The following MOB3C variants were observed in gnomAD, a reference collection of about 807,000 sequenced individuals.
The protein encoded by MOB3C is MOB1, Mps One Binder kinase activator-like 2C.
A neutral mutation model predicts 19.8 loss-of-function variants in MOB3C; 17 were observed. The observed-to-expected ratio is 0.86, with a 90% CI of 0.59 to 1.29. MOB3C has a LOEUF of 1.29. MOB3C is among the 50% of genes most tolerant of loss of function. The pLI, the probability that MOB3C is intolerant of heterozygous loss-of-function variation, is 0.00. For synonymous variants in MOB3C, 101 were observed against 119.2 expected, an observed-to-expected ratio of 0.85 and a Z score of 0.99; for missense variants, 291 against 301.9, an observed-to-expected ratio of 0.96 and a Z score of 0.27.
Position 46,613,020 on chromosome 1 carries a change from T to C in MOB3C, c.302A>G (p.Gln101Arg), listed in dbSNP as rs771395935. ...AGGPRYEYRW[Q>R]DERQYRRPAK... ...GGGCCGCCGGTACTGGCGCTCGTCCTGCCAGCGGTACTCGTAGCGGGGCCC... is the reference window on the plus strand; with the variant it reads ...GGGCCGCCGGTACTGGCGCTCGTCCCGCCAGCGGTACTCGTAGCGGGGCCC... The change falls in exon 2 of 4, where the codon CAG (glutamine) becomes CGG (arginine). Residue 101 changes from glutamine (Q) to arginine (R), a missense_variant. Coordinates refer to ENST00000319928, the MANE Select transcript of MOB3C (RefSeq NM_201403.3). 1.2e-6 allele frequency: 2 copies of C among 1,613,692 alleles called. No homozygotes were observed. Among genetic ancestry groups the C allele is most frequent in the African/African-American group, 2.7e-5 (2 of 74,952 alleles).
At chr1:46,610,311 ACT>A in intron 2 of MOB3C, 107 bp from the exon 3 acceptor site, 1 of 863,870 alleles carries the variant, frequency 1.2e-6, no homozygotes, top group Non-Finnish European at 1.9e-6. Context: ...TCCCCAGCAC[ACT>A]TTTTAGTACA....
At chr1:46,612,168 C>T (rs1675480678) in intron 2 of MOB3C, among the ~76,000 whole-genome samples, 1 of 152,186 alleles carries the variant, frequency 6.6e-6, no homozygotes, top group Non-Finnish European at 1.5e-5. Context: ...GAAAAGGCCC[C>T]ACAGCCTGTG....
rs1047007602 is a variant in MOB3C at position 46,608,668 on chromosome 1, G to A, written c.*987C>T. On this transcript the variant is annotated 3_prime_UTR_variant, in exon 4 of 4. Transcript: ENST00000319928. This position sits in a 1 kb window ranked among gnomAD's most constrained non-coding sequence, Gnocchi z 4.5. ...CAATTCAAGTTCCACAAGCTCCTTG[G>A]ACGGGGAGATTATTTTGTGCTGGGC... 6 of 152,668 alleles carry A rather than the reference G, an allele frequency of 3.9e-5. No individual in the cohort carries two copies. Among genetic ancestry groups the A allele is most frequent in the African/African-American group, 1.4e-4 (6 of 41,446 alleles). 9.5% of individuals were successfully genotyped at this position (152,668 alleles called of 1,614,324 possible).
intron 1 of MOB3C, chr1:46,615,175 C>T: frequency 1.1e-6 from 1 of 887,912 alleles, no homozygotes; most frequent in South Asian, 1.5e-5. Flanking sequence ...TTGCATGGCC[C>T]CCTTTATGAC....
intron 2 of MOB3C, 41 bp from the exon 3 acceptor site, chr1:46,610,245 T>C: frequency 6.2e-7 from 1 of 1,602,582 alleles, no homozygotes; most frequent in Middle Eastern, 1.7e-4. Context: ...AGTATCCTGG[T>C]GCCAAAGCTC....
chr1:46,610,875 C>T (rs544912999), intron 2 of MOB3C, among the ~76,000 whole-genome samples: 2 of 152,332 alleles, frequency 1.3e-5, no homozygotes, highest in East Asian at 3.9e-4. Context: ...TGCAGAGATG[C>T]TCACATCACA....
rs569912376 is a variant in MOB3C at position 46,613,498 on chromosome 1, T to C, written c.-50-127A>G. 6.7e-5 allele frequency: 62 copies of C among 923,636 alleles called. 2 individuals carry two copies. In the South Asian group the frequency reaches 8.0e-4, roughly 12 times the overall value. 57.2% of individuals were successfully genotyped at this position (923,636 alleles called of 1,614,324 possible). Reference sequence around the variant, plus strand: ...CAACCTCTGCATCCTCTGCCTGGAATCTAAGTCCTCAGCCCCTAGGTCCAG... The same window carrying C: ...CAACCTCTGCATCCTCTGCCTGGAACCTAAGTCCTCAGCCCCTAGGTCCAG... On this transcript the variant is annotated intron_variant, in intron 1 of 3. Transcript: ENST00000319928.
At chr1:46,612,768 G>A in intron 2 of MOB3C, 136 bp downstream of exon 2, 1 of 860,736 alleles carries the variant, frequency 1.2e-6, no homozygotes, top group East Asian at 2.9e-5. Flanking sequence ...CACTTAACCT[G>A]TTTCAACCTC....
rs1295565013 is a variant in MOB3C at position 46,611,963 on chromosome 1, G to A, written c.418+941C>T. ...ACCGCTGATCCACACAGCCTCTGCA[G>A]AGATGAGCTCCAGGCCAGGTGGGGG... On this transcript the variant is annotated intron_variant, in intron 2 of 3. Coordinates refer to ENST00000319928, the MANE Select transcript of MOB3C (RefSeq NM_201403.3). The surrounding 1 kb of genome is among the most constrained non-coding windows in gnomAD (Gnocchi z 4.1). 6.6e-6 allele frequency among the ~76,000 whole-genome samples: 1 copy of A among 152,138 alleles called. No homozygotes were observed. Among genetic ancestry groups the A allele is most frequent in the Admixed American group, 6.5e-5 (1 of 15,286 alleles).
At chr1:46,616,451 G>A (rs1675562339) in intron 1 of MOB3C, 1 of 152,408 alleles carries the variant, frequency 6.6e-6, no homozygotes, top group Non-Finnish European at 1.5e-5. Context: ...AGGACCCAGA[G>A]GAGCCCGCCT....
rs1045790390 is a variant in MOB3C at position 46,611,781 on chromosome 1, T to C, written c.418+1123A>G. On this transcript the variant is annotated intron_variant, in intron 2 of 3. Coordinates refer to ENST00000319928, the MANE Select transcript of MOB3C (RefSeq NM_201403.3). The surrounding 1 kb of genome is among the most constrained non-coding windows in gnomAD (Gnocchi z 4.1). ...CCCTCAGTAGCCTCAAGTTTCCTCC[T>C]ATGTAAAATGAAGGTGCTCCTTGTC... 3.3e-5 allele frequency among the ~76,000 whole-genome samples: 5 copies of C among 152,198 alleles called. No homozygotes were observed. Among genetic ancestry groups the C allele is most frequent in the Admixed American group, 6.5e-5 (1 of 15,286 alleles).
chr1:46,609,386 C>T lies in MOB3C; in HGVS notation c.*269G>A. 1 of 557,294 alleles carries T rather than the reference C, an allele frequency of 1.8e-6. No homozygotes were observed. Among genetic ancestry groups the T allele is most frequent in the Non-Finnish European group, 3.2e-6 (1 of 309,826 alleles). The allele number at this position is 557,294 out of a possible 1,614,324, so 34.5% of individuals were successfully genotyped here. A position where few individuals can be genotyped will look rare whatever the true frequency, so the allele number is the denominator to read the frequency against. The stretch of plus-strand genomic sequence containing the variant: ...GAAGGGTCAAGTGTCATAGAAGAAA[C>T]CCCCTAGCCTACCCTACTCCCAGAC... On this transcript the variant is annotated 3_prime_UTR_variant, in exon 4 of 4. Transcript: ENST00000319928.
At position 46,609,443 on chromosome 1, in the gene MOB3C, C is replaced by T. The variant is rs1675424200; in HGVS notation, c.*212G>A. The T allele has an allele frequency of 1.1e-5, 7 of 638,588 alleles. No homozygotes were observed. The South Asian group carries it at 1.1e-4, about 10-fold the overall frequency. 39.6% of individuals were successfully genotyped at this position (638,588 alleles called of 1,614,324 possible). On this transcript the variant is annotated 3_prime_UTR_variant, in exon 4 of 4. Coordinates refer to ENST00000319928, the MANE Select transcript of MOB3C (RefSeq NM_201403.3). The stretch of plus-strand genomic sequence containing the variant: ...CCAGAGGTTTAACTCCACTTCCCTT[C>T]TGTTTGCCTGCCTAGATGCTCTCCC...
rs931224131 is a variant in MOB3C at position 46,608,663 on chromosome 1, C to T, written c.*992G>A. 1 of 152,634 alleles carries T rather than the reference C, an allele frequency of 6.6e-6. No individual in the cohort carries two copies. Among genetic ancestry groups the T allele is most frequent in the African/African-American group, 2.4e-5 (1 of 41,440 alleles). The allele number at this position is 152,634 out of a possible 1,614,324, so 9.5% of individuals were successfully genotyped here. On this transcript the variant is annotated 3_prime_UTR_variant, in exon 4 of 4. Coordinates refer to ENST00000319928, the MANE Select transcript of MOB3C (RefSeq NM_201403.3). This position sits in a 1 kb window ranked among gnomAD's most constrained non-coding sequence, Gnocchi z 4.5. ...GTTCCCAATTCAAGTTCCACAAGCT[C>T]CTTGGACGGGGAGATTATTTTGTGC... is the stretch of plus-strand genomic sequence containing the variant.
chr1:46,614,972 G>A (rs777022808), intron 1 of MOB3C: 31 of 1,602,654 alleles, frequency 1.9e-5, no homozygotes, highest in African/African-American at 2.7e-5. Context: ...AAAACTCACA[G>A]ATGTGAAAGG....
rs2148801656 is a variant in MOB3C at position 46,608,676 on chromosome 1, GATT to G, written c.*976_*978del. 6.5e-6 allele frequency: 1 copy of G among 152,798 alleles called. No individual in the cohort carries two copies. The highest frequency in any genetic ancestry group is 2.1e-4 in the South Asian group (1 of 4,826). The allele number at this position is 152,798 out of a possible 1,614,324, so 9.5% of individuals were successfully genotyped here. A position where few individuals can be genotyped will look rare whatever the true frequency, so the allele number is the denominator to read the frequency against. The stretch of plus-strand genomic sequence containing the variant: ...GTTCCACAAGCTCCTTGGACGGGGA[GATT>G]ATTTTGTGCTGGGCTTCAGATCCGA... On this transcript the variant is annotated 3_prime_UTR_variant, in exon 4 of 4. Transcript: ENST00000319928. This position sits in a 1 kb window ranked among gnomAD's most constrained non-coding sequence, Gnocchi z 4.5.
At chr1:46,616,066 C>A (rs1290296666) in intron 1 of MOB3C, 1 of 152,510 alleles carries the variant, frequency 6.6e-6, no homozygotes, top group Non-Finnish European at 1.5e-5. Flanking sequence ...CTCCCTGAAC[C>A]ACTGCCGTTC....
intron 1 of MOB3C, chr1:46,615,440 T>C (rs372663879): frequency 9.8e-4 from 237 of 240,930 alleles, no homozygotes; most frequent in Non-Finnish European, 1.7e-3. Flanking sequence ...CTTTTGGTCA[T>C]TGCAGTCTCC....
chr1:46,610,019 G>C lies in MOB3C; in HGVS notation c.604C>G (p.Arg202Gly). 1 of 1,614,244 alleles carries C rather than the reference G, an allele frequency of 6.2e-7. No individual in the cohort carries two copies. The highest frequency in any genetic ancestry group is 8.5e-7 in the Non-Finnish European group (1 of 1,180,052). ...GGCCTCACCAGTGGCTCCAGCTCCC[G>C]CTGGTCCACCAGACTGAACTCGCGG... ...FIREFSLVDQ[R>G]ELEPLREMTE... Residue 202 changes from arginine (R) to glycine (G), a missense_variant, in exon 3 of 4, where the codon CGG becomes GGG. Transcript: ENST00000319928.
Sources: gnomAD v4.1 joint callset for allele counts (sites outside exome capture counted in the v4.1 genomes callset) on GRCh38, gnomAD v4.1.1 for gene constraint, Gnocchi (gnomAD v3.1) non-coding constraint, MANE v1.5 for transcripts, NCBI Gene and HGNC (gene_info 2026-07-23, HGNC 2026-07-21) for gene names.